The following SLIT3 variants were observed in gnomAD, a reference collection of about 807,000 sequenced individuals.
SLIT3 encodes slit homolog 3 protein.
SLIT3 carries 68 observed loss-of-function variants against 184.0 expected under a neutral mutation model. The observed-to-expected ratio is 0.37, with a 90% confidence interval of 0.30 to 0.45. The LOEUF is 0.45. Ranked by LOEUF, SLIT3 falls within the 20% of genes least tolerant of loss-of-function variation. SLIT3 has a pLI of 1.00. For missense variants in SLIT3, 1,707 were observed against 2,026.0 expected (o/e 0.84, Z 3.02); for synonymous variants, 831 against 828.6 (o/e 1.00, Z -0.05).
At position 168,839,712 on chromosome 5, in the gene SLIT3, G is replaced by A. The variant is rs77363478; in HGVS notation, c.557+4872C>T. Among the ~76,000 whole-genome samples the A allele has an allele frequency of 9.3e-3, 1,423 of 152,258 alleles. 23 individuals are homozygous for A. The highest frequency in any genetic ancestry group is 0.032 in the African/African-American group (1,347 of 41,556). ...ACAGACAAACATTTGCCCTCCCCCA[G>A]TCTCCTAAATAATACCCAAAACTTA... On this transcript the variant is annotated intron_variant, in intron 6 of 35. Transcript: ENST00000519560.
intron 3 of SLIT3, among the ~76,000 whole-genome samples, chr5:169,195,405 G>A (rs1320086925): frequency 6.6e-6 from 1 of 152,230 alleles, no homozygotes; most frequent in African/African-American, 2.4e-5. Flanking sequence ...GCCATGCAGC[G>A]AGTGGGTAAG....
chr5:168,902,486 G>A (rs1760903496), intron 4 of SLIT3, among the ~76,000 whole-genome samples: 1 of 152,216 alleles, frequency 6.6e-6, no homozygotes, highest in Admixed American at 6.5e-5. Context: ...AGGAAGTACA[G>A]CTTAAACTGA....
At chr5:169,279,542 A>T (rs1766927239) in intron 1 of SLIT3, among the ~76,000 whole-genome samples, 1 of 152,246 alleles carries the variant, frequency 6.6e-6, no homozygotes, top group Admixed American at 6.5e-5. Flanking sequence ...CTCTGAAATT[A>T]CTACTATGCC....
At chr5:168,701,421 C>T (rs115720385) in intron 26 of SLIT3, among the ~76,000 whole-genome samples, 177 of 152,228 alleles carry the variant, frequency 1.2e-3, no homozygotes, top group African/African-American at 4.0e-3. Flanking sequence ...GGAACCTTTG[C>T]GATAGAGAAC....
chr5:168,887,210 T>G (rs1011854632), intron 4 of SLIT3, among the ~76,000 whole-genome samples: 2 of 152,084 alleles, frequency 1.3e-5, no homozygotes, highest in African/African-American at 4.8e-5. Flanking sequence ...CCTGCAAGAC[T>G]AGGAGGAGGA....
At chr5:169,157,641 T>C (rs916226287) in intron 4 of SLIT3, among the ~76,000 whole-genome samples, 1 of 152,124 alleles carries the variant, frequency 6.6e-6, no homozygotes, top group Non-Finnish European at 1.5e-5. Context: ...ATACTCAAAA[T>C]GTCCAGTTTC....
At chr5:168,994,990 C>T (rs894817129) in intron 4 of SLIT3, among the ~76,000 whole-genome samples, 1 of 152,022 alleles carries the variant, frequency 6.6e-6, no homozygotes, top group African/African-American at 2.4e-5. Flanking sequence ...TTACAACAAG[C>T]CTATGAAGTT....
At chr5:168,738,474 A>G (rs1395437099) in intron 20 of SLIT3, among the ~76,000 whole-genome samples, 1 of 152,236 alleles carries the variant, frequency 6.6e-6, no homozygotes, top group African/African-American at 2.4e-5. Flanking sequence ...TTGGTTGTCT[A>G]GAGAAAAGTA....
At chr5:169,217,799 G>A (rs1342238786) in intron 3 of SLIT3, among the ~76,000 whole-genome samples, 2 of 152,158 alleles carry the variant, frequency 1.3e-5, no homozygotes, top group Non-Finnish European at 2.9e-5. Context: ...GAGGTGGGAG[G>A]TCATTAACCA....
intron 6 of SLIT3, among the ~76,000 whole-genome samples, chr5:168,840,868 A>G (rs1444356216): frequency 1.3e-5 from 2 of 152,210 alleles, no homozygotes. Flanking sequence ...GGCAATGGCC[A>G]CGAGTGGGAA....
intron 15 of SLIT3, 97 bp from the exon 16 acceptor site, chr5:168,761,033 T>G (rs1376425880): frequency 1.1e-6 from 1 of 896,442 alleles, no homozygotes; most frequent in Non-Finnish European, 1.9e-6. Context: ...AACCTCACAC[T>G]CGGTGAAGGA....
intron 4 of SLIT3, among the ~76,000 whole-genome samples, chr5:169,165,744 TA>T (rs199870426): frequency 0.027 from 4,130 of 152,304 alleles, 105 homozygotes; most frequent in South Asian, 0.088. Flanking sequence ...TTGCTTTGTG[TA>T]ATTTTTCTCC....
intron 8 of SLIT3, among the ~76,000 whole-genome samples, chr5:168,809,924 T>A (rs989598797): frequency 1.3e-5 from 2 of 152,164 alleles, no homozygotes; most frequent in Non-Finnish European, 2.9e-5. Flanking sequence ...GGAGTGGCCG[T>A]GGGAGATGGG....
chr5:168,770,645 C>T (rs1439536831), intron 14 of SLIT3, among the ~76,000 whole-genome samples: 4 of 135,292 alleles, frequency 3.0e-5, no homozygotes, highest in South Asian at 2.6e-4. Context: ...AATAATCTTT[C>T]GCTTAGCATT....
intron 1 of SLIT3, chr5:169,263,667 C>T (rs748186069): frequency 3.9e-6 from 2 of 511,752 alleles, no homozygotes; most frequent in East Asian, 1.3e-4. Context: ...TATCTGTGTG[C>T]TAGGGCTGCC....
intron 4 of SLIT3, among the ~76,000 whole-genome samples, chr5:169,037,167 C>T (rs557632328): frequency 3.3e-5 from 5 of 152,326 alleles, no homozygotes; most frequent in Admixed American, 2.0e-4. Flanking sequence ...ACTACTTCAA[C>T]TTCAACAACT....
rs36206656 is a variant in SLIT3, at chr5:169,203,351, GCACACACACA to G, written c.342-9811_342-9802del. Among the ~76,000 whole-genome samples the G allele has an allele frequency of 4.1e-3, 612 of 147,532 alleles. 4 individuals carry two copies. The highest frequency in any genetic ancestry group is 0.012 in the Admixed American group (179 of 14,918). On this transcript the variant is annotated intron_variant, in intron 3 of 35. Transcript: ENST00000519560. ...CATATTTATGCGTGCATGTGAATGTGCACACACACACACACACACACACACACACACACAC... is the reference window on the plus strand; with the variant it reads ...CATATTTATGCGTGCATGTGAATGTGCACACACACACACACACACACACAC...
intron 4 of SLIT3, among the ~76,000 whole-genome samples, chr5:169,020,643 C>G (rs1396375675): frequency 6.6e-6 from 1 of 152,276 alleles, no homozygotes; most frequent in Non-Finnish European, 1.5e-5. Context: ...AAACACAGAG[C>G]CTCCTTCCTT....
At chr5:168,819,997 T>C (rs192637759) in intron 7 of SLIT3, among the ~76,000 whole-genome samples, 64 of 152,264 alleles carry the variant, frequency 4.2e-4, no homozygotes, top group South Asian at 2.1e-4. Context: ...CCACCAGAAA[T>C]GCTAAAAGAG....
Sources: allele counts gnomAD v4.1 joint callset (sites outside exome capture counted in the v4.1 genomes callset), GRCh38; gene constraint gnomAD v4.1.1; transcripts MANE v1.5; gene names NCBI Gene and HGNC (gene_info 2026-07-23, HGNC 2026-07-21).